The following DZIP3 variants were observed in gnomAD, a reference collection of about 807,000 sequenced individuals.
The protein encoded by DZIP3 is DAZ interacting zinc finger protein 3, also known as E3 ubiquitin-protein ligase DZIP3.
In DZIP3, 118 loss-of-function variants were observed where a neutral mutation model predicts 162.0. The ratio of observed to expected loss-of-function variants is 0.73; its 90% CI spans 0.63 to 0.85. DZIP3 has a LOEUF of 0.85. DZIP3 is among the 40% of genes least tolerant of loss of function. The pLI is 0.00. For missense variants in DZIP3, 1,331 were observed against 1,407.0 expected, an observed-to-expected ratio of 0.95 and a Z score of 0.86; for synonymous variants, 438 against 458.6, an observed-to-expected ratio of 0.96 and a Z score of 0.57.
At chr3:108,658,544 A>T (rs1943255619) in intron 19 of DZIP3, among the ~76,000 whole-genome samples, 2 of 152,206 alleles carry the variant, frequency 1.3e-5, no homozygotes, top group African/African-American at 4.8e-5. Context: ...AGCAGGAAAG[A>T]TCTAAAATTG....
intron 29 of DZIP3, among the ~76,000 whole-genome samples, chr3:108,688,330 GTTTC>G (rs2107435477): frequency 6.6e-6 from 1 of 152,204 alleles, no homozygotes; most frequent in Non-Finnish European, 1.5e-5. Context: ...ATTTGCTCTA[GTTTC>G]TTTGAATGAG....
intron 22 of DZIP3, among the ~76,000 whole-genome samples, chr3:108,671,836 C>T (rs182429879): frequency 7.8e-4 from 119 of 151,922 alleles, no homozygotes; most frequent in Non-Finnish European, 3.4e-4. Flanking sequence ...TAAGTAGTAC[C>T]GTTTTTTCCA....
chr3:108,673,587 G>A lies in DZIP3; in HGVS notation c.2590-491G>A, dbSNP rs78416171. On this transcript the variant is annotated intron_variant, in intron 23 of 32. Transcript: ENST00000361582. Reference sequence around the variant, plus strand: ...GTGATATGGAAAGGATTCCTGCTGCGAGAGAGACACTGAACTACGTAATCT... The same window carrying A: ...GTGATATGGAAAGGATTCCTGCTGCAAGAGAGACACTGAACTACGTAATCT... Among the ~76,000 whole-genome samples the A allele has an allele frequency of 8.5e-3, 1,297 of 151,932 alleles. 17 individuals are homozygous for A. The highest frequency in any genetic ancestry group is 0.03 in the African/African-American group (1,239 of 41,464).
chr3:108,595,301 C>G (rs1238042326), intron 1 of DZIP3, among the ~76,000 whole-genome samples: 2 of 152,132 alleles, frequency 1.3e-5, no homozygotes, highest in African/African-American at 4.8e-5. Flanking sequence ...TTATTGCAGC[C>G]TCTAGCTCCT....
chr3:108,687,873 A>G (rs1944550301), intron 28 of DZIP3, 103 bp from the exon 29 acceptor site: 12 of 1,465,002 alleles, frequency 8.2e-6, no homozygotes, highest in Admixed American at 3.6e-5. Flanking sequence ...TGTATGCTAC[A>G]TATCAATCAT....
chr3:108,616,753 C>A, intron 5 of DZIP3, 96 bp downstream of exon 5: 1 of 829,004 alleles, frequency 1.2e-6, no homozygotes, highest in Non-Finnish European at 1.9e-6. Context: ...AGGTGTGGGC[C>A]AATTTTTATT....
At position 108,644,334 on chromosome 3, in the gene DZIP3, C is replaced by G. The variant is rs1228711313; in HGVS notation, c.1312C>G (p.His438Asp). 1.2e-6 allele frequency: 2 copies of G among 1,613,966 alleles called. No homozygotes were observed. The highest frequency in any genetic ancestry group is 1.7e-5 in the Admixed American group (1 of 59,990). ...GAATGTGCTGGAATCCTACTACAAC[C>G]ATCTTTGGACCAATCATCCTTTGGG... is the stretch of plus-strand genomic sequence containing the variant. ...HKNVLESYYN[H>D]LWTNHPLGGS... Residue 438 changes from histidine to aspartate, a missense_variant, in exon 14 of 33, where the codon CAT becomes GAT. Around this residue, in one of 2 missense-constraint regions of DZIP3, gnomAD observed 1,278 missense variants for 1,317.1 expected, o/e 0.97. Transcript: ENST00000361582.
intron 21 of DZIP3, among the ~76,000 whole-genome samples, chr3:108,664,041 T>C (rs779977149): frequency 6.6e-6 from 1 of 152,176 alleles, no homozygotes; most frequent in Non-Finnish European, 1.5e-5. Flanking sequence ...GCACCCTGGA[T>C]ATAGCACAAC....
intron 2 of DZIP3, among the ~76,000 whole-genome samples, chr3:108,606,162 T>A (rs1331678208): frequency 6.6e-6 from 1 of 152,226 alleles, no homozygotes; most frequent in East Asian, 1.9e-4. Context: ...GTGAGTGCTG[T>A]TATTATCCCT....
intron 31 of DZIP3, 34 bp from the exon 32 acceptor site, chr3:108,690,753 C>T: frequency 2.5e-6 from 4 of 1,595,446 alleles, no homozygotes; most frequent in Non-Finnish European, 3.4e-6. Flanking sequence ...TAGGCTACAT[C>T]TGAGAGACTG....
In DZIP3 at chr3:108,636,796, C is replaced by CTT. The variant is rs1942169650; in HGVS notation, c.1011+88_1011+89insTT. 7 of 904,472 alleles carry CTT rather than the reference C, an allele frequency of 7.7e-6. No individual in the cohort carries two copies. The Admixed American group carries it at 7.9e-5, about 10-fold the overall frequency. The allele number at this position is 904,472 out of a possible 1,614,324, so 56.0% of individuals were successfully genotyped here. A position where few individuals can be genotyped will look rare whatever the true frequency, so the allele number is the denominator to read the frequency against. ...GACTTGAAACAGACCTGGGGATCAT[C>CTT]ATAATTAGATTCCAGCCATATTGCC... On this transcript the variant is annotated intron_variant, in intron 11 of 32. Transcript: ENST00000361582.
At chr3:108,631,055 A>ACACACACACACACACTCTCTCTCTCT in intron 8 of DZIP3, among the ~76,000 whole-genome samples, 6 of 18,010 alleles carry the variant, frequency 3.3e-4, no homozygotes, top group African/African-American at 1.1e-3. Flanking sequence ...ACACACACAC[A>ACACACACACACACACTCTCTCTCTCT]CTCTCTCTCT....
intron 18 of DZIP3, among the ~76,000 whole-genome samples, chr3:108,653,150 C>T (rs1259987384): frequency 1.3e-5 from 2 of 151,822 alleles, no homozygotes; most frequent in Non-Finnish European, 3.0e-5. Context: ...ATGGTCTACA[C>T]AAGCAATTGA....
At chr3:108,663,355 G>A (rs891770990) in intron 21 of DZIP3, among the ~76,000 whole-genome samples, 3 of 152,022 alleles carry the variant, frequency 2.0e-5, no homozygotes, top group African/African-American at 4.8e-5. Flanking sequence ...TTGGGAGTTC[G>A]AAACCAGCCT....
At chr3:108,686,659 A>G in intron 28 of DZIP3, 75 bp downstream of exon 28, 1 of 1,368,468 alleles carries the variant, frequency 7.3e-7, no homozygotes, top group Non-Finnish European at 9.5e-7. Context: ...TGGCAATGAA[A>G]CATTTCAGAG....
At position 108,693,753 on chromosome 3, in the gene DZIP3, AT is replaced by A. The variant is rs1315292947; in HGVS notation, c.*403del. 1 of 152,106 alleles carries A rather than the reference AT, an allele frequency of 6.6e-6. No individual in the cohort carries two copies. The highest frequency in any genetic ancestry group is 1.9e-4 in the East Asian group (1 of 5,188). The allele number at this position is 152,106 out of a possible 1,614,324, so 9.4% of individuals were successfully genotyped here. On this transcript the variant is annotated 3_prime_UTR_variant, in exon 33 of 33. Coordinates refer to ENST00000361582, the MANE Select transcript of DZIP3 (RefSeq NM_014648.4). ...ATTGAATAATTGAGATCTTCTGTTC[AT>A]TTGTTCCTTGGACCTTAATCATTTG... is the stretch of plus-strand genomic sequence containing the variant.
At chr3:108,691,206 C>T (rs963087775) in intron 32 of DZIP3, 5 of 207,562 alleles carry the variant, frequency 2.4e-5, no homozygotes, top group African/African-American at 9.3e-5. Context: ...ATTCTTATTT[C>T]ACTCATCCTT....
At chr3:108,646,869 C>T (rs1311893144) in intron 15 of DZIP3, among the ~76,000 whole-genome samples, 10 of 151,982 alleles carry the variant, frequency 6.6e-5, no homozygotes, top group Admixed American at 2.0e-4. Context: ...GGTGAAACCC[C>T]GTCTCTACTA....
intron 18 of DZIP3, among the ~76,000 whole-genome samples, chr3:108,653,916 G>A (rs1942987257): frequency 1.3e-5 from 2 of 152,054 alleles, no homozygotes; most frequent in Non-Finnish European, 2.9e-5. Flanking sequence ...GGCATGAACA[G>A]AATTAAACAG....
Sources: allele counts gnomAD v4.1 joint callset (sites outside exome capture counted in the v4.1 genomes callset), GRCh38; gene constraint gnomAD v4.1.1; regional missense constraint gnomAD v4.1.1; transcripts MANE v1.5; gene names NCBI Gene and HGNC (gene_info 2026-07-23, HGNC 2026-07-21).